Variants in RYR3 observed in about 807,000 individuals in gnomAD.
RYR3 encodes brain ryanodine receptor-calcium release channel.
In RYR3, 207 loss-of-function variants were observed where a neutral mutation model predicts 584.3. The observed-to-expected ratio is 0.35, with a 90% CI of 0.32 to 0.40. RYR3 has a LOEUF of 0.40. RYR3 is among the 10% of genes least tolerant of loss of function. The pLI is 1.00. For synonymous variants in RYR3, 2,416 were observed against 2,248.5 expected (o/e 1.07, Z -2.11); for missense variants, 5,616 against 6,089.2 (o/e 0.92, Z 2.59).
chr15:33,741,527 C>T (rs1383026533), intron 51 of RYR3, among the ~76,000 whole-genome samples: 1 of 152,142 alleles, frequency 6.6e-6, no homozygotes, highest in Non-Finnish European at 1.5e-5. Context: ...GTGCTGATAC[C>T]AACAGAAGGG....
chr15:33,507,241 A>G (rs2084996127), intron 3 of RYR3, among the ~76,000 whole-genome samples: 1 of 152,224 alleles, frequency 6.6e-6, no homozygotes, highest in South Asian at 2.1e-4. Flanking sequence ...TCTCTTGCTA[A>G]CAAAGAAAAC....
chr15:33,540,348 G>T (rs1460580198), intron 6 of RYR3, among the ~76,000 whole-genome samples: 1 of 152,230 alleles, frequency 6.6e-6, no homozygotes, highest in Non-Finnish European at 1.5e-5. Context: ...AGCACCATTT[G>T]TGTCAGGCAC....
intron 1 of RYR3, among the ~76,000 whole-genome samples, chr15:33,361,942 T>G (rs1428894234): frequency 6.6e-6 from 1 of 152,184 alleles, no homozygotes; most frequent in Non-Finnish European, 1.5e-5. Context: ...GCCCAGCATC[T>G]TCCTCAGTGA....
At chr15:33,536,807 G>T (rs985525193) in intron 5 of RYR3, among the ~76,000 whole-genome samples, 5 of 152,026 alleles carry the variant, frequency 3.3e-5, no homozygotes, top group African/African-American at 1.2e-4. Flanking sequence ...TCCCTCCTTT[G>T]GATGCTTGCC....
chr15:33,516,728 G>T (rs918962942), intron 3 of RYR3, among the ~76,000 whole-genome samples: 1 of 152,096 alleles, frequency 6.6e-6, no homozygotes, highest in African/African-American at 2.4e-5. Context: ...GGGCTTCAGA[G>T]AAAGGGGAAT....
At chr15:33,688,064 G>T (rs937055183) in intron 38 of RYR3, among the ~76,000 whole-genome samples, 2 of 152,000 alleles carry the variant, frequency 1.3e-5, no homozygotes, top group Non-Finnish European at 2.9e-5. Context: ...TAGACAAATG[G>T]GATCTAATTA....
In RYR3 at chr15:33,628,591, C is replaced by T. The variant is rs376743808; in HGVS notation, c.2679+16C>T. On this transcript the variant is annotated intron_variant, in intron 21 of 103. Coordinates refer to ENST00000634891, the MANE Select transcript of RYR3 (RefSeq NM_001036.6). ...TTTCGGCAAGGTATGTGTCTCAGGG[C>T]CAGGTTAGGGTGGAGGGTGGGATTG... 2.5e-5 allele frequency: 38 copies of T among 1,533,462 alleles called. No individual in the cohort carries two copies. Among genetic ancestry groups the T allele is most frequent in the Admixed American group, 6.7e-5 (4 of 59,822 alleles). The allele number at this position is 1,533,462 out of a possible 1,614,324, so 95.0% of individuals were successfully genotyped here. A position where few individuals can be genotyped will look rare whatever the true frequency, so the allele number is the denominator to read the frequency against.
In RYR3 at chr15:33,859,690, T is replaced by G; in HGVS notation, c.14258T>G (p.Phe4753Cys). The change falls in exon 100 of 104, where the codon TTT (phenylalanine) becomes TGT (cysteine). Residue 4753 changes from phenylalanine to cysteine, a missense_variant. Phe to Cys is a radical substitution (Grantham distance 205). This residue lies in a region of RYR3 where 918 missense variants were observed against 887.4 expected (regional missense o/e 1.03). Transcript: ENST00000634891. ...EMYRIVFDIT[F>C]FFFVIVILLA... Reference sequence around the variant, plus strand: ...TATCGCATTGTCTTTGACATTACCTTTTTCTTCTTCGTCATTGTCATCTTG... The same window carrying G: ...TATCGCATTGTCTTTGACATTACCTGTTTCTTCTTCGTCATTGTCATCTTG... 1 of 1,613,438 alleles carries G rather than the reference T, an allele frequency of 6.2e-7. No individual in the cohort carries two copies. Among genetic ancestry groups the G allele is most frequent in the Non-Finnish European group, 8.5e-7 (1 of 1,179,602 alleles).
At chr15:33,407,161 C>G (rs989705284) in intron 1 of RYR3, among the ~76,000 whole-genome samples, 16 of 152,200 alleles carry the variant, frequency 1.1e-4, no homozygotes, top group African/African-American at 1.7e-4. Context: ...AAGCACTAAT[C>G]CATTCATGAG....
intron 47 of RYR3, among the ~76,000 whole-genome samples, chr15:33,729,295 A>C (rs1008512451): frequency 6.6e-6 from 1 of 152,114 alleles, no homozygotes; most frequent in Non-Finnish European, 1.5e-5. Context: ...TATCCTGTGC[A>C]TTGTAGAACG....
chr15:33,353,761 A>C (rs1037150522), intron 1 of RYR3, among the ~76,000 whole-genome samples: 1 of 152,104 alleles, frequency 6.6e-6, no homozygotes, highest in Non-Finnish European at 1.5e-5. Flanking sequence ...ATTAACAGAC[A>C]GTCTAATGGT....
intron 5 of RYR3, among the ~76,000 whole-genome samples, chr15:33,536,707 C>A (rs1046508912): frequency 2.0e-5 from 3 of 152,172 alleles, no homozygotes; most frequent in African/African-American, 7.2e-5. Context: ...TTTGTCATGT[C>A]ATGTTTAGTT....
chr15:33,727,821 T>G (rs1248613217), intron 46 of RYR3, among the ~76,000 whole-genome samples: 5 of 152,218 alleles, frequency 3.3e-5, no homozygotes, highest in African/African-American at 1.2e-4. Flanking sequence ...GGGGTCCTCT[T>G]TCCTAGTTTT....
intron 1 of RYR3, among the ~76,000 whole-genome samples, chr15:33,455,160 T>C (rs2047444908): frequency 6.6e-6 from 1 of 152,110 alleles, no homozygotes; most frequent in Non-Finnish European, 1.5e-5. Flanking sequence ...GGTCTCTCCA[T>C]GGGTGTGTGG....
chr15:33,544,487 G>A (rs183958474), intron 8 of RYR3, among the ~76,000 whole-genome samples: 5 of 152,180 alleles, frequency 3.3e-5, no homozygotes, highest in East Asian at 3.9e-4. Flanking sequence ...CATTAGAAAC[G>A]TGGGCTCACA....
intron 10 of RYR3, among the ~76,000 whole-genome samples, chr15:33,559,436 T>A (rs953108422): frequency 2.0e-5 from 3 of 152,128 alleles, no homozygotes; most frequent in African/African-American, 7.2e-5. Context: ...CCATGCAGGG[T>A]CACATAGGAA....
chr15:33,818,858 T>G (rs1424117733), intron 76 of RYR3, among the ~76,000 whole-genome samples, 174 bp downstream of exon 76: 1 of 152,188 alleles, frequency 6.6e-6, no homozygotes, highest in Non-Finnish European at 1.5e-5. Flanking sequence ...GCGTGGTGGC[T>G]CACGCCTGTA....
intron 25 of RYR3, among the ~76,000 whole-genome samples, chr15:33,635,033 G>GT (rs945779105): frequency 5.9e-5 from 9 of 152,228 alleles, no homozygotes; most frequent in East Asian, 1.9e-4. Flanking sequence ...CCAAGTCACT[G>GT]TTTTTTTATC....
intron 11 of RYR3, among the ~76,000 whole-genome samples, chr15:33,566,311 C>G (rs374270492): frequency 2.6e-5 from 4 of 152,174 alleles, no homozygotes; most frequent in African/African-American, 9.7e-5. Flanking sequence ...GAGGAAAAGG[C>G]TTTGAACACA....
Sources: allele counts gnomAD v4.1 joint callset (sites outside exome capture counted in the v4.1 genomes callset), GRCh38; gene constraint gnomAD v4.1.1; regional missense constraint gnomAD v4.1.1; transcripts MANE v1.5; gene names NCBI Gene and HGNC (gene_info 2026-07-23, HGNC 2026-07-21).